The following ERBB4 variants were observed in gnomAD, a reference collection of about 807,000 sequenced individuals.
The protein encoded by ERBB4 is receptor tyrosine-protein kinase erbB-4.
ERBB4 carries 42 observed loss-of-function variants against 158.0 expected under a neutral mutation model. The ratio of observed to expected loss-of-function variants is 0.27; its 90% CI spans 0.21 to 0.34. ERBB4 has a LOEUF of 0.34. ERBB4 is among the 10% of genes least tolerant of loss of function. The pLI is 1.00. For missense variants in ERBB4, 1,333 were observed against 1,624.1 expected (o/e 0.82, Z 3.08); for synonymous variants, 583 against 558.7 (o/e 1.04, Z -0.61).
chr2:211,811,940 GGTT>G (rs2076766115), intron 3 of ERBB4, among the ~76,000 whole-genome samples: 1 of 151,958 alleles, frequency 6.6e-6, no homozygotes, highest in Admixed American at 6.6e-5. Flanking sequence ...AGGTTTTCAA[GGTT>G]GTTAGCTTCC....
At chr2:211,677,342 A>G (rs2072117218) in intron 13 of ERBB4, among the ~76,000 whole-genome samples, 1 of 152,036 alleles carries the variant, frequency 6.6e-6, no homozygotes, top group African/African-American at 2.4e-5. Context: ...AGGCAGGCAG[A>G]TCACCTGAGG....
intron 1 of ERBB4, among the ~76,000 whole-genome samples, chr2:212,398,623 G>A (rs541956232): frequency 6.6e-6 from 1 of 152,256 alleles, no homozygotes; most frequent in South Asian, 2.1e-4. Context: ...TATAGACAGA[G>A]CTAATTACTT....
intron 3 of ERBB4, among the ~76,000 whole-genome samples, chr2:211,789,396 G>C (rs2076234409): frequency 6.6e-6 from 1 of 152,068 alleles, no homozygotes; most frequent in African/African-American, 2.4e-5. Flanking sequence ...ATTCATTTCA[G>C]GCACAAGATG....
intron 4 of ERBB4, among the ~76,000 whole-genome samples, chr2:211,761,180 TGA>T (rs2075401772): frequency 2.6e-5 from 3 of 113,666 alleles, no homozygotes. Flanking sequence ...GGCGACAGGG[TGA>T]GATTCCTCAA....
At chr2:211,500,635 A>T (rs1313651873) in intron 20 of ERBB4, among the ~76,000 whole-genome samples, 1 of 152,120 alleles carries the variant, frequency 6.6e-6, no homozygotes, top group East Asian at 1.9e-4. Context: ...AAAATGAAAC[A>T]TCCAAAGAGT....
At chr2:211,904,104 T>C (rs2079311111) in intron 3 of ERBB4, among the ~76,000 whole-genome samples, 3 of 152,094 alleles carry the variant, frequency 2.0e-5, no homozygotes, top group Non-Finnish European at 4.4e-5. Flanking sequence ...TAAATACTGT[T>C]CCAAGTATTG....
rs1283006450 is a variant in ERBB4 at position 211,772,832 on chromosome 2, T to C, written c.556+15193A>G. ...GGATATATATATATATATATATATA[T>C]ATACACATATATATATATATATATA... On this transcript the variant is annotated intron_variant, in intron 4 of 27. Coordinates refer to ENST00000342788, the MANE Select transcript of ERBB4 (RefSeq NM_005235.3). Among the ~76,000 whole-genome samples the C allele has an allele frequency of 7.9e-3, 113 of 14,220 alleles. 1 individual carries two copies. The highest frequency in any genetic ancestry group is 0.031 in the African/African-American group (92 of 2,924). 9.3% of individuals were successfully genotyped at this position (14,220 alleles called of 152,430 possible). A position where few individuals can be genotyped will look rare whatever the true frequency, so the allele number is the denominator to read the frequency against.
chr2:211,862,207 AT>A (rs752486377), intron 3 of ERBB4, among the ~76,000 whole-genome samples: 16 of 152,276 alleles, frequency 1.1e-4, no homozygotes, highest in Non-Finnish European at 1.6e-4. Context: ...TAGAACTCAA[AT>A]TTTCCATTTT....
At chr2:211,511,385 G>C (rs2065881578) in intron 20 of ERBB4, among the ~76,000 whole-genome samples, 2 of 151,796 alleles carry the variant, frequency 1.3e-5, no homozygotes, top group Non-Finnish European at 1.5e-5. Flanking sequence ...ACATGTTCTT[G>C]AATAAATACA....
At position 211,500,172 on chromosome 2, in the gene ERBB4, T is replaced by C. The variant is rs2065581873; in HGVS notation, c.2487+61731A>G. Among the ~76,000 whole-genome samples the C allele has an allele frequency of 1.3e-5, 2 of 152,170 alleles. 1 individual carries two copies. Among genetic ancestry groups the C allele is most frequent in the South Asian group, 4.1e-4 (2 of 4,830 alleles). ...TCTGCTCTGACCCTAAGTTTTATAA[T>C]GACACAATTATAATTGTATTCATCA... On this transcript the variant is annotated intron_variant, in intron 20 of 27. Coordinates refer to ENST00000342788, the MANE Select transcript of ERBB4 (RefSeq NM_005235.3).
intron 20 of ERBB4, among the ~76,000 whole-genome samples, chr2:211,435,772 A>G (rs1031276899): frequency 2.6e-5 from 4 of 152,134 alleles, no homozygotes; most frequent in East Asian, 1.9e-4. Context: ...CCCCACAAAA[A>G]CAGTCCCTGG....
intron 1 of ERBB4, among the ~76,000 whole-genome samples, chr2:212,392,946 C>A (rs1326389919): frequency 1.3e-5 from 2 of 151,992 alleles, no homozygotes; most frequent in Non-Finnish European, 2.9e-5. Context: ...CCGGCAATCA[C>A]CCTACCTTTT....
At chr2:211,672,052 G>C (rs866843125) in intron 14 of ERBB4, among the ~76,000 whole-genome samples, 1 of 151,992 alleles carries the variant, frequency 6.6e-6, no homozygotes, top group Non-Finnish European at 1.5e-5. Context: ...CCTTGTGGTC[G>C]TCCTCTGAAC....
chr2:212,110,556 C>T (rs1360731727), intron 2 of ERBB4, among the ~76,000 whole-genome samples: 1 of 152,194 alleles, frequency 6.6e-6, no homozygotes, highest in Non-Finnish European at 1.5e-5. Flanking sequence ...GAGAACAAAC[C>T]ACCACACTAA....
chr2:211,757,398 A>G (rs907037612), intron 4 of ERBB4, among the ~76,000 whole-genome samples: 2 of 152,214 alleles, frequency 1.3e-5, no homozygotes, highest in African/African-American at 4.8e-5. Flanking sequence ...ATATTACATC[A>G]GGAGTTATGA....
At chr2:211,764,253 T>G (rs1368228782) in intron 4 of ERBB4, among the ~76,000 whole-genome samples, 2 of 152,234 alleles carry the variant, frequency 1.3e-5, no homozygotes, top group African/African-American at 4.8e-5. Context: ...AATTGAGTTA[T>G]TATTTATAGA....
intron 1 of ERBB4, among the ~76,000 whole-genome samples, chr2:212,249,319 G>GT (rs764919793): frequency 4.6e-5 from 7 of 151,716 alleles, no homozygotes; most frequent in Admixed American, 1.3e-4. Context: ...ATGTGTGTAT[G>GT]TTTTTATATA....
intron 3 of ERBB4, among the ~76,000 whole-genome samples, chr2:211,861,132 A>ATTATAT (rs2078030439): frequency 2.4e-5 from 1 of 41,208 alleles, no homozygotes. Context: ...TTTTATATAT[A>ATTATAT]TATATATATA....
intron 3 of ERBB4, among the ~76,000 whole-genome samples, chr2:211,888,270 G>A (rs1387914436): frequency 3.3e-5 from 5 of 152,092 alleles, no homozygotes; most frequent in African/African-American, 1.2e-4. Flanking sequence ...GATTTCATAA[G>A]GAAGAAAACA....
Sources: allele counts gnomAD v4.1 joint callset (sites outside exome capture counted in the v4.1 genomes callset), GRCh38; gene constraint gnomAD v4.1.1; transcripts MANE v1.5; gene names NCBI Gene and HGNC (gene_info 2026-07-23, HGNC 2026-07-21).